LRP5: variants seen among roughly 807,000 people sequenced by gnomAD.
LRP5 encodes LDL receptor related protein 5, also known as low-density lipoprotein receptor-related protein 5.
LRP5 carries 62 observed loss-of-function variants against 154.1 expected under a neutral mutation model. The observed-to-expected ratio is 0.40, with a 90% CI of 0.33 to 0.50. LRP5 has a LOEUF of 0.50. LRP5 is among the 20% of genes least tolerant of loss of function. The pLI is 0.55. For missense variants in LRP5, 1,915 were observed against 2,336.7 expected, an observed-to-expected ratio of 0.82 and a Z score of 3.72; for synonymous variants, 966 against 1,011.5, an observed-to-expected ratio of 0.96 and a Z score of 0.85.
At chr11:68,360,165 C>G (rs1241032160) in intron 3 of LRP5, among the ~76,000 whole-genome samples, 1 of 152,172 alleles carries the variant, frequency 6.6e-6, no homozygotes, top group Non-Finnish European at 1.5e-5. Context: ...GCACGTACCA[C>G]CACGCCTGGC....
At chr11:68,420,605 G>A (rs184692748) in intron 13 of LRP5, among the ~76,000 whole-genome samples, 5 of 152,092 alleles carry the variant, frequency 3.3e-5, no homozygotes, top group Admixed American at 2.0e-4. Context: ...TCAGGAGGCT[G>A]AGGCAGGAGA....
At chr11:68,339,596 T>G (rs1341774648) in intron 1 of LRP5, among the ~76,000 whole-genome samples, 1 of 152,174 alleles carries the variant, frequency 6.6e-6, no homozygotes. Context: ...TCCGCCCGCC[T>G]CAGCCTCCCA....
At chr11:68,411,870 G>A (rs1406279511) in intron 11 of LRP5, among the ~76,000 whole-genome samples, 2 of 152,202 alleles carry the variant, frequency 1.3e-5, no homozygotes, top group Non-Finnish European at 2.9e-5. Context: ...CACCTGCTGG[G>A]CACTAGGTCC....
At chr11:68,330,768 C>T (rs1452905102) in intron 1 of LRP5, among the ~76,000 whole-genome samples, 1 of 152,248 alleles carries the variant, frequency 6.6e-6, no homozygotes, top group Non-Finnish European at 1.5e-5. Flanking sequence ...TGGTGTGGGG[C>T]GAGCCTGGGG....
intron 11 of LRP5, 102 bp downstream of exon 11, chr11:68,411,722 C>A: frequency 7.9e-7 from 1 of 1,273,152 alleles, no homozygotes; most frequent in Non-Finnish European, 1.1e-6. Flanking sequence ...GCAAGTTCCC[C>A]AACCTGGCAG....
the LRP5 span, among the ~76,000 whole-genome samples, chr11:68,299,119 G>A: frequency 3.5e-4 from 54 of 152,162 alleles, no homozygotes; most frequent in Admixed American, 1.9e-3. Context: ...AGACTTGGAC[G>A]TCCCAAGTCC....
At chr11:68,419,355 C>T (rs1010971654) in intron 13 of LRP5, among the ~76,000 whole-genome samples, 54 of 151,692 alleles carry the variant, frequency 3.6e-4, no homozygotes, top group African/African-American at 1.3e-3. Context: ...ACCTCAGCCT[C>T]TCTAGTAGCC....
intron 9 of LRP5, among the ~76,000 whole-genome samples, chr11:68,407,552 G>T (rs1308908752): frequency 6.6e-6 from 1 of 151,106 alleles, no homozygotes; most frequent in African/African-American, 2.4e-5. Flanking sequence ...AAGAAAGTTT[G>T]ATTGGTGGCT....
At chr11:68,313,739 C>T (rs2098590711) in intron 1 of LRP5, among the ~76,000 whole-genome samples, 1 of 152,234 alleles carries the variant, frequency 6.6e-6, no homozygotes, top group South Asian at 2.1e-4. Flanking sequence ...GTGGCACGGC[C>T]GCAAGTGCCT....
chr11:68,387,320 G>A (rs1394220346), intron 6 of LRP5, among the ~76,000 whole-genome samples: 5 of 152,048 alleles, frequency 3.3e-5, no homozygotes, highest in Non-Finnish European at 7.4e-5. Flanking sequence ...TCACCGTCTT[G>A]GCCAGGCTGG....
At chr11:68,384,052 T>G (rs778214358) in intron 5 of LRP5, among the ~76,000 whole-genome samples, 1 of 152,160 alleles carries the variant, frequency 6.6e-6, no homozygotes, top group African/African-American at 2.4e-5. Flanking sequence ...CCTCTGCCTC[T>G]CCCCAGCCTG....
At chr11:68,363,975 T>A (rs1037834797) in intron 4 of LRP5, 32 bp downstream of exon 4, 1 of 262,440 alleles carries the variant, frequency 3.8e-6, no homozygotes, top group Non-Finnish European at 6.6e-6. Context: ...GGGGCGAGGG[T>A]GCGGGGGCTG....
chr11:68,397,694 C>T (rs1451255011), intron 7 of LRP5, among the ~76,000 whole-genome samples: 9 of 152,206 alleles, frequency 5.9e-5, no homozygotes, highest in Admixed American at 2.0e-4. Context: ...GTCTGTGAGC[C>T]GGCCTGGTCT....
chr11:68,433,982 CAACAAGGA>C (rs1391833791), intron 18 of LRP5, 144 bp downstream of exon 18: 6 of 820,450 alleles, frequency 7.3e-6, no homozygotes, highest in Non-Finnish European at 1.2e-5. Flanking sequence ...CTTTTAGGCC[CAACAAGGA>C]AAACTCTGCA....
chr11:68,420,763 C>A (rs1156832196), intron 13 of LRP5, among the ~76,000 whole-genome samples: 1 of 151,974 alleles, frequency 6.6e-6, no homozygotes, highest in Non-Finnish European at 1.5e-5. Flanking sequence ...TTTATCCATC[C>A]ACGGGTGCTA....
Position 68,408,451 on chromosome 11 carries a change from G to GA in LRP5, c.2092-1454dup, listed in dbSNP as rs1200931084. ...CTTTAAGTCACAAGGGTTCTTTGTAGAAAAAAAAATATATATAGGAAAGTA... is the reference window on the plus strand; with the variant it reads ...CTTTAAGTCACAAGGGTTCTTTGTAGAAAAAAAAAATATATATAGGAAAGTA... On this transcript the variant is annotated intron_variant, in intron 9 of 22. Coordinates refer to ENST00000294304, the MANE Select transcript of LRP5 (RefSeq NM_002335.4). 5.9e-5 allele frequency among the ~76,000 whole-genome samples: 9 copies of GA among 151,738 alleles called. No individual in the cohort carries two copies. The South Asian group carries it at 1.0e-3, about 17-fold the overall frequency.
rs200786182 is a variant in LRP5, at chr11:68,423,677, C to T, written c.3216C>T (p.Ile1072=). ...LRGDRDKPRA[I]VVNAERGYLY... ...GGGACCGCGACAAGCCCAGGGCCAT[C>T]GTCGTCAACGCGGAGCGAGGGTAGG... The change falls in exon 14 of 23, where the codon ATC becomes ATT. Residue 1072 remains isoleucine, a synonymous_variant. Coordinates refer to ENST00000294304, the MANE Select transcript of LRP5 (RefSeq NM_002335.4). The surrounding 1 kb of genome is among the most constrained non-coding windows in gnomAD (Gnocchi z 4.7). 9 of 1,612,654 alleles carry T rather than the reference C, an allele frequency of 5.6e-6. No individual in the cohort carries two copies. In the Admixed American group the frequency reaches 1.0e-4, roughly 18 times the overall value.
rs377403217 is a variant in LRP5 at position 68,386,512 on chromosome 11, G to A, written c.1212G>A (p.Gly404=). ...CCATCCGCAGGGCGTACCTGGACGG[G>A]TCTGGGGCGCAGACGCTGGTCAACA... is the stretch of plus-strand genomic sequence containing the variant. ...VRAIRRAYLD[G]SGAQTLVNTE... is the part of the protein sequence containing the mutation. Residue 404 remains glycine, a synonymous_variant, in exon 6 of 23, where the codon GGG becomes GGA. Transcript: ENST00000294304. This position sits in a 1 kb window ranked among gnomAD's most constrained non-coding sequence, Gnocchi z 7.9. The A allele has an allele frequency of 3.5e-5, 57 of 1,614,058 alleles. No homozygotes were observed. In the African/African-American group the frequency reaches 6.8e-4, roughly 19 times the overall value.
At chr11:68,409,446 G>A (rs572548483) in intron 9 of LRP5, among the ~76,000 whole-genome samples, 2 of 151,012 alleles carry the variant, frequency 1.3e-5, no homozygotes, top group Admixed American at 6.7e-5. Context: ...AAGGTGTCTT[G>A]CTGCATTTCA....
Sources: allele counts gnomAD v4.1 joint callset (sites outside exome capture counted in the v4.1 genomes callset), GRCh38; gene constraint gnomAD v4.1.1; non-coding constraint Gnocchi (gnomAD v3.1); transcripts MANE v1.5; gene names NCBI Gene and HGNC (gene_info 2026-07-23, HGNC 2026-07-21).